KNDC1: variants seen among roughly 807,000 people sequenced by gnomAD.
The protein encoded by KNDC1 is kinase non-catalytic C-lobe domain containing 1, also known as kinase non-catalytic C-lobe domain-containing protein 1.
In KNDC1, 106 loss-of-function variants were observed where a neutral mutation model predicts 172.8. The observed-to-expected ratio is 0.61, with a 90% CI of 0.52 to 0.72. KNDC1 has a LOEUF of 0.72. Among genes scored for constraint, KNDC1 ranks in the 30% least tolerant of loss-of-function variants. KNDC1 has a pLI of 0.00. For synonymous variants in KNDC1, 1,083 were observed against 1,062.2 expected, an observed-to-expected ratio of 1.02 and a Z score of -0.38; for missense variants, 2,325 against 2,394.5, an observed-to-expected ratio of 0.97 and a Z score of 0.61.
At position 133,201,515 on chromosome 10, in the gene KNDC1, G is replaced by T; in HGVS notation, c.3004G>T (p.Ala1002Ser). ...SLHRLGKEKP[A>S]MARTSSRAPC... ...TTTCTTTCAAGGAAAAGAGAAGCCA[G>T]CCATGGCCAGGACCAGCAGCAGGGC... Residue 1002 changes from alanine (A) to serine (S), a missense_variant, in exon 17 of 30, where the codon GCC (alanine) becomes TCC (serine). Physicochemically the swap from Ala to Ser is moderately conservative, Grantham distance 99. Coordinates refer to ENST00000304613, the MANE Select transcript of KNDC1 (RefSeq NM_152643.8). The T allele has an allele frequency of 6.2e-7, 1 of 1,601,454 alleles. No homozygotes were observed.
chr10:133,185,583 C>G (rs1481016291), intron 5 of KNDC1, among the ~76,000 whole-genome samples: 1 of 151,866 alleles, frequency 6.6e-6, no homozygotes, highest in African/African-American at 2.4e-5. Context: ...CGCTGACGGC[C>G]GTAGCCACAT....
At chr10:133,216,243 G>A (rs1185689520) in intron 26 of KNDC1, among the ~76,000 whole-genome samples, 5 of 152,102 alleles carry the variant, frequency 3.3e-5, no homozygotes, top group African/African-American at 9.7e-5. Flanking sequence ...AGGAAGAAAC[G>A]GCATAAAATT....
chr10:133,170,568 C>T (rs1853346011), intron 3 of KNDC1, among the ~76,000 whole-genome samples: 2 of 152,178 alleles, frequency 1.3e-5, no homozygotes, highest in Non-Finnish European at 2.9e-5. Flanking sequence ...TGCTTATGTG[C>T]GTTCTGTCTC....
intron 17 of KNDC1, among the ~76,000 whole-genome samples, chr10:133,203,707 C>T (rs1244324886): frequency 6.6e-6 from 1 of 152,226 alleles, no homozygotes; most frequent in Non-Finnish European, 1.5e-5. Context: ...GTGTGGGTTC[C>T]TCCCCCGTCT....
intron 17 of KNDC1, among the ~76,000 whole-genome samples, chr10:133,204,154 C>T (rs1589765131): frequency 6.6e-6 from 1 of 152,198 alleles, no homozygotes; most frequent in South Asian, 2.1e-4. Context: ...CCACCATCCT[C>T]AGAAGCCAGG....
intron 26 of KNDC1, 135 bp from the exon 27 acceptor site, chr10:133,218,696 G>A: frequency 1.7e-6 from 2 of 1,185,072 alleles, no homozygotes; most frequent in Non-Finnish European, 2.4e-6. Flanking sequence ...CGTCCACACA[G>A]CCGCTTCCTT....
In KNDC1 at chr10:133,197,197, G is replaced by A. The variant is rs999566167; in HGVS notation, c.1812+62G>A. The stretch of plus-strand genomic sequence containing the variant: ...GCGCTTAGCTTCCTCCCTCCTGGAC[G>A]CACTTGCCCTTGCCTGGCCGCTCCC... On this transcript the variant is annotated intron_variant, in intron 11 of 29. Coordinates refer to ENST00000304613, the MANE Select transcript of KNDC1 (RefSeq NM_152643.8). 30 of 1,361,890 alleles carry A rather than the reference G, an allele frequency of 2.2e-5. No homozygotes were observed. In the African/African-American group the frequency reaches 3.3e-4, roughly 15 times the overall value. The allele number at this position is 1,361,890 out of a possible 1,614,324, so 84.4% of individuals were successfully genotyped here.
intron 5 of KNDC1, 74 bp from the exon 6 acceptor site, chr10:133,185,900 A>AGAGGGGGGGGGTGGGAGGG (rs1853890344): frequency 1.9e-6 from 1 of 522,652 alleles, no homozygotes; most frequent in Non-Finnish European, 2.9e-6. Flanking sequence ...GGGTGGGAGG[A>AGAGGGGGGGGGTGGGAGGG]GAGGGGAGGG....
At chr10:133,222,508 TGA>T (rs1294213236) in intron 29 of KNDC1, among the ~76,000 whole-genome samples, 1 of 16,274 alleles carries the variant, frequency 6.1e-5, no homozygotes, top group African/African-American at 1.8e-4. Flanking sequence ...TGTGTGTGTG[TGA>T]GCCCATCCAG....
chr10:133,184,115 CACACACCCAT>C, intron 5 of KNDC1, 126 bp downstream of exon 5: 1 of 532,622 alleles, frequency 1.9e-6, no homozygotes, highest in South Asian at 2.9e-5. Flanking sequence ...CCATACTGCA[CACACACCCAT>C]GCACACACAT....
At position 133,200,453 on chromosome 10, in the gene KNDC1, C is replaced by T. The variant is rs1368681912; in HGVS notation, c.2982C>T (p.His994=). The part of the protein sequence containing the change: ...RSPSSKRPSL[H]RLGKEKPAMA... ...CGTCCAGCAAGAGGCCGTCGCTGCA[C>T]CGCCTGGGTAAGTGCTGGGCGGGCC... is the stretch of plus-strand genomic sequence containing the variant. The change falls in exon 16 of 30, where the codon CAC becomes CAT. Residue 994 remains histidine, a synonymous_variant. Transcript: ENST00000304613. 6 of 1,580,526 alleles carry T rather than the reference C, an allele frequency of 3.8e-6. No homozygotes were observed. The highest frequency in any genetic ancestry group is 3.5e-5 in the Admixed American group (2 of 56,828).
At chr10:133,188,730 C>A (rs1221953336) in intron 7 of KNDC1, 77 bp downstream of exon 7, 23 of 594,966 alleles carry the variant, frequency 3.9e-5, no homozygotes, top group South Asian at 3.7e-4. Flanking sequence ...CCGTCCCACA[C>A]CCCCGCCGTC....
intron 11 of KNDC1, 140 bp downstream of exon 11, chr10:133,197,275 C>G: frequency 1.4e-6 from 1 of 690,826 alleles, no homozygotes; most frequent in South Asian, 1.7e-5. Flanking sequence ...GTGGGTGCAT[C>G]TGGGGGTGCA....
rs1330382879 is a variant in KNDC1, at chr10:133,224,169, C to T, written c.5019-490C>T. ...TGTCTGTGGCATCAGTGTCCCCAGG[C>T]CTGGCTGAGGGCTCCTGCTCGTGAC... is the stretch of plus-strand genomic sequence containing the variant. On this transcript the variant is annotated intron_variant, in intron 29 of 29. Coordinates refer to ENST00000304613, the MANE Select transcript of KNDC1 (RefSeq NM_152643.8). The surrounding 1 kb of genome is among the most constrained non-coding windows in gnomAD (Gnocchi z 5.4). Among the ~76,000 whole-genome samples the T allele has an allele frequency of 6.6e-6, 1 of 152,234 alleles. No individual in the cohort carries two copies. Among genetic ancestry groups the T allele is most frequent in the East Asian group, 1.9e-4 (1 of 5,202 alleles).
intron 24 of KNDC1, among the ~76,000 whole-genome samples, chr10:133,213,390 G>A (rs1564899085): frequency 6.6e-6 from 1 of 152,240 alleles, no homozygotes; most frequent in Non-Finnish European, 1.5e-5. Flanking sequence ...CCCACATCAT[G>A]TAGCAGGTGA....
intron 15 of KNDC1, 37 bp from the exon 16 acceptor site, chr10:133,200,338 G>T: frequency 6.6e-7 from 1 of 1,504,422 alleles, no homozygotes. Flanking sequence ...CCTCCCAGTG[G>T]GCGGAGGTGG....
At chr10:133,194,087 T>A (rs1254911680) in intron 9 of KNDC1, among the ~76,000 whole-genome samples, 4 of 152,156 alleles carry the variant, frequency 2.6e-5, no homozygotes, top group African/African-American at 4.8e-5. Flanking sequence ...GATCAACATT[T>A]AAAGGACACT....
chr10:133,181,012 G>C (rs1853701225), intron 3 of KNDC1, among the ~76,000 whole-genome samples: 1 of 152,226 alleles, frequency 6.6e-6, no homozygotes, highest in South Asian at 2.1e-4. Flanking sequence ...GAGGTGACCT[G>C]GGACCCAGCA....
intron 3 of KNDC1, among the ~76,000 whole-genome samples, chr10:133,175,308 G>A (rs1480745774): frequency 6.7e-6 from 1 of 150,102 alleles, no homozygotes; most frequent in Non-Finnish European, 1.5e-5. Flanking sequence ...ATGGGTGGGT[G>A]GGTGAATAGG....
Sources: gnomAD v4.1 joint callset for allele counts (sites outside exome capture counted in the v4.1 genomes callset) on GRCh38, gnomAD v4.1.1 for gene constraint, Gnocchi (gnomAD v3.1) non-coding constraint, MANE v1.5 for transcripts, NCBI Gene and HGNC (gene_info 2026-07-23, HGNC 2026-07-21) for gene names.